Variants in FAM227B observed in about 807,000 individuals in gnomAD.
The protein encoded by FAM227B is family with sequence similarity 227 member B.
In FAM227B, 88 loss-of-function variants were observed where a neutral mutation model predicts 73.8. That is an observed-to-expected ratio of 1.19 (90% confidence interval 1.00 to 1.42). The LOEUF (loss-of-function observed/expected upper bound fraction) is 1.42, where lower values mean the gene tolerates loss of function less well. Ranked by LOEUF, FAM227B falls within the 40% of genes most tolerant of loss-of-function variation. The pLI is 0.00. For synonymous variants in FAM227B, 210 were observed against 190.5 expected, an observed-to-expected ratio of 1.10 and a Z score of -0.84; for missense variants, 632 against 590.9, an observed-to-expected ratio of 1.07 and a Z score of -0.72.
intron 2 of FAM227B, among the ~76,000 whole-genome samples, chr15:49,612,586 T>C (rs2078014626): frequency 6.6e-6 from 1 of 152,138 alleles, no homozygotes; most frequent in South Asian, 2.1e-4. Flanking sequence ...AATATATAGG[T>C]ACTTGAAAAA....
chr15:49,370,341 G>A (rs1014994652), intron 12 of FAM227B, among the ~76,000 whole-genome samples: 1 of 152,218 alleles, frequency 6.6e-6, no homozygotes, highest in African/African-American at 2.4e-5. Context: ...AAGTACGAGA[G>A]ACCATTTTTA....
At chr15:49,585,438 A>G (rs2076091554) in intron 5 of FAM227B, among the ~76,000 whole-genome samples, 1 of 152,224 alleles carries the variant, frequency 6.6e-6, no homozygotes, top group Non-Finnish European at 1.5e-5. Context: ...ACTTGGAACC[A>G]AGCCAAATGT....
intron 13 of FAM227B, among the ~76,000 whole-genome samples, chr15:49,347,083 T>C (rs8041461): frequency 0.41 from 62,991 of 152,064 alleles, 13,183 homozygotes; most frequent in African/African-American, 0.43. Flanking sequence ...TAAAATAGGA[T>C]TGCAGTTCTA....
At chr15:49,605,967 G>A (rs943218449) in intron 3 of FAM227B, among the ~76,000 whole-genome samples, 3 of 152,064 alleles carry the variant, frequency 2.0e-5, no homozygotes, top group Admixed American at 6.5e-5. Context: ...CTCTTGCTGC[G>A]GTCCACGGCA....
At chr15:49,416,491 A>G (rs1252536230) in intron 11 of FAM227B, among the ~76,000 whole-genome samples, 1 of 152,110 alleles carries the variant, frequency 6.6e-6, no homozygotes, top group African/African-American at 2.4e-5. Context: ...TCAGCATCGT[A>G]TTTGAAGTCC....
At chr15:49,406,672 T>G (rs1400703011) in intron 11 of FAM227B, among the ~76,000 whole-genome samples, 5 of 151,790 alleles carry the variant, frequency 3.3e-5, no homozygotes, top group Non-Finnish European at 7.4e-5. Context: ...CGGAGTGCAC[T>G]TCTGACCCAG....
At chr15:49,577,309 CA>C in intron 6 of FAM227B, 5 of 319,850 alleles carry the variant, frequency 1.6e-5, no homozygotes, top group South Asian at 3.1e-5. Flanking sequence ...ACACCCCCTG[CA>C]AAAAAAGAAA....
rs1348695131 is a variant in FAM227B at position 49,361,476 on chromosome 15, C to A, written c.1271+5972G>T. Among the ~76,000 whole-genome samples the A allele has an allele frequency of 2.6e-5, 4 of 152,136 alleles. No individual in the cohort carries two copies. In the East Asian group the frequency reaches 7.7e-4, roughly 29 times the overall value. ...ACATGTACTCAATGTTTAGCTCCTA[C>A]TTATTAGTGAGAACATGTGGTTTTA... On this transcript the variant is annotated intron_variant, in intron 13 of 15. Coordinates refer to ENST00000299338, the MANE Select transcript of FAM227B (RefSeq NM_152647.3).
chr15:49,438,395 A>C (rs2051302880), intron 11 of FAM227B, among the ~76,000 whole-genome samples: 1 of 151,756 alleles, frequency 6.6e-6, no homozygotes. Context: ...GTGACAATGA[A>C]TATCCATTGC....
intron 11 of FAM227B, 22 bp downstream of exon 11, chr15:49,508,189 A>G: frequency 1.3e-6 from 2 of 1,596,222 alleles, no homozygotes; most frequent in Non-Finnish European, 1.7e-6. Flanking sequence ...TCCATTTGGC[A>G]GTATACAGAA....
chr15:49,597,672 C>T (rs1024159046), intron 3 of FAM227B, among the ~76,000 whole-genome samples: 3 of 151,760 alleles, frequency 2.0e-5, no homozygotes, highest in African/African-American at 4.8e-5. Context: ...ATAAACTAAA[C>T]AAAAAGCTTG....
chr15:49,490,667 C>T (rs1471919182), intron 11 of FAM227B, among the ~76,000 whole-genome samples: 2 of 151,974 alleles, frequency 1.3e-5, no homozygotes, highest in African/African-American at 4.8e-5. Flanking sequence ...GAATCATACT[C>T]AGAGGAAAGG....
At chr15:49,330,756 AAAGAG>A (rs892948349) in intron 15 of FAM227B, 2 of 152,058 alleles carry the variant, frequency 1.3e-5, no homozygotes, top group African/African-American at 4.8e-5. Context: ...AAAAAAAAAA[AAAGAG>A]AGAAAGAATG....
At chr15:49,493,523 G>T (rs189416157) in intron 11 of FAM227B, among the ~76,000 whole-genome samples, 1 of 152,006 alleles carries the variant, frequency 6.6e-6, no homozygotes, top group African/African-American at 2.4e-5. Context: ...CTGCCATCAA[G>T]AACAAAATCA....
intron 11 of FAM227B, among the ~76,000 whole-genome samples, chr15:49,496,758 T>TAGA (rs939477393): frequency 1.3e-5 from 2 of 152,208 alleles, no homozygotes; most frequent in African/African-American, 4.8e-5. Context: ...TGTTTTAGAT[T>TAGA]AGAAGAAGCA....
At chr15:49,335,851 TTTC>T (rs1442971482) in intron 13 of FAM227B, among the ~76,000 whole-genome samples, 26 of 152,218 alleles carry the variant, frequency 1.7e-4, no homozygotes, top group African/African-American at 6.0e-4. Flanking sequence ...AATTCATTTT[TTTC>T]TTATTTATTC....
At chr15:49,454,442 A>G (rs1036994104) in intron 11 of FAM227B, among the ~76,000 whole-genome samples, 1 of 152,170 alleles carries the variant, frequency 6.6e-6, no homozygotes, top group African/African-American at 2.4e-5. Flanking sequence ...TGCTCTGTTT[A>G]TAGAAAATAT....
At chr15:49,544,777 TTTTG>T (rs2071582304) in intron 9 of FAM227B, among the ~76,000 whole-genome samples, 1 of 152,164 alleles carries the variant, frequency 6.6e-6, no homozygotes, top group Non-Finnish European at 1.5e-5. Flanking sequence ...TGCTTTTTAA[TTTTG>T]TTTTTGTGAT....
chr15:49,385,576 G>A lies in FAM227B; in HGVS notation c.1013-14177C>T, dbSNP rs114135277. On this transcript the variant is annotated intron_variant, in intron 11 of 15. Coordinates refer to ENST00000299338, the MANE Select transcript of FAM227B (RefSeq NM_152647.3). The stretch of plus-strand genomic sequence containing the variant: ...CCTCTTGAAAGCTTAAAACTCACTG[G>A]GTCTATAAAACAGTAACACAATGAA... Among the ~76,000 whole-genome samples the A allele has an allele frequency of 8.6e-3, 1,282 of 149,478 alleles. 26 individuals carry two copies. The highest frequency in any genetic ancestry group is 0.03 in the African/African-American group (1,222 of 40,336).
Sources: gnomAD v4.1 joint callset for allele counts (sites outside exome capture counted in the v4.1 genomes callset) on GRCh38, gnomAD v4.1.1 for gene constraint, MANE v1.5 for transcripts, NCBI Gene and HGNC (gene_info 2026-07-23, HGNC 2026-07-21) for gene names.